Variants in VPS13B observed in about 807,000 individuals in gnomAD.
VPS13B encodes vacuolar protein sorting 13 homolog B.
VPS13B carries 285 observed loss-of-function variants against 426.4 expected under a neutral mutation model. That is an observed-to-expected ratio of 0.67 (90% confidence interval 0.61 to 0.74). VPS13B has a LOEUF of 0.74. Ranked by LOEUF, VPS13B falls within the 30% of genes least tolerant of loss-of-function variation. The pLI, the probability that VPS13B is intolerant of heterozygous loss-of-function variation, is 0.00. For synonymous variants in VPS13B, 1,676 were observed against 1,676.4 expected (o/e 1.00, Z 0.01); for missense variants, 4,537 against 4,782.6 (o/e 0.95, Z 1.51).
rs531549469 is a variant in VPS13B at position 99,214,353 on chromosome 8, G to A, written c.2515+21296G>A. Among the ~76,000 whole-genome samples, 9 of 152,256 alleles carry A rather than the reference G, an allele frequency of 5.9e-5. 1 individual carries two copies. The South Asian group carries it at 1.9e-3, about 32-fold the overall frequency. On this transcript the variant is annotated intron_variant, in intron 17 of 61. Coordinates refer to ENST00000357162, the MANE Select transcript of VPS13B (RefSeq NM_152564.5). ...AGAAAAAATTTATCCACTGCATAAA[G>A]TATAGCTTATAGCCTTGTACTTTTC...
intron 33 of VPS13B, among the ~76,000 whole-genome samples, chr8:99,607,490 A>G (rs750565529): frequency 4.6e-5 from 7 of 152,176 alleles, no homozygotes; most frequent in Non-Finnish European, 1.0e-4. Flanking sequence ...CCTCACTCCC[A>G]TTACCCTATG....
chr8:99,551,598 C>T (rs1181281681), intron 30 of VPS13B, among the ~76,000 whole-genome samples: 1 of 151,720 alleles, frequency 6.6e-6, no homozygotes, highest in Non-Finnish European at 1.5e-5. Flanking sequence ...GTTATGTGTT[C>T]CATATCTGTT....
At chr8:99,536,341 A>G (rs973180297) in intron 30 of VPS13B, among the ~76,000 whole-genome samples, 4 of 152,236 alleles carry the variant, frequency 2.6e-5, no homozygotes, top group Non-Finnish European at 4.4e-5. Context: ...TTTTCCATGT[A>G]AATCTCTGAA....
At chr8:99,016,325 C>T (rs1443921226) in intron 2 of VPS13B, among the ~76,000 whole-genome samples, 1 of 152,176 alleles carries the variant, frequency 6.6e-6, no homozygotes, top group Admixed American at 6.5e-5. Context: ...ATATCAATTC[C>T]AGTCTTACCA....
intron 23 of VPS13B, among the ~76,000 whole-genome samples, chr8:99,445,145 TAC>T (rs1817850962): frequency 6.6e-6 from 1 of 151,406 alleles, no homozygotes; most frequent in South Asian, 2.1e-4. Context: ...TCCTGTTCTA[TAC>T]ATTGTCTTTT....
At chr8:99,434,179 C>T (rs1817258673) in intron 22 of VPS13B, among the ~76,000 whole-genome samples, 1 of 152,058 alleles carries the variant, frequency 6.6e-6, no homozygotes, top group Non-Finnish European at 1.5e-5. Context: ...GATCAAAATT[C>T]AGCAGTTAAA....
At chr8:99,454,759 G>A (rs1028038177) in intron 23 of VPS13B, among the ~76,000 whole-genome samples, 4 of 152,104 alleles carry the variant, frequency 2.6e-5, no homozygotes, top group Non-Finnish European at 5.9e-5. Flanking sequence ...CACCAACAAT[G>A]AGTGGGAATC....
chr8:99,104,670 C>G (rs1470520844), intron 5 of VPS13B, among the ~76,000 whole-genome samples: 3 of 151,744 alleles, frequency 2.0e-5, no homozygotes, highest in Non-Finnish European at 4.4e-5. Flanking sequence ...GTTGCCCAGG[C>G]TGGAGTGCAG....
intron 33 of VPS13B, among the ~76,000 whole-genome samples, chr8:99,607,460 C>T (rs765531224): frequency 1.7e-4 from 26 of 152,142 alleles, no homozygotes; most frequent in Non-Finnish European, 2.9e-4. Flanking sequence ...AGACCTGTTT[C>T]AGATTGTCCC....
intron 23 of VPS13B, among the ~76,000 whole-genome samples, chr8:99,459,370 A>T (rs1382928395): frequency 6.6e-6 from 1 of 152,156 alleles, no homozygotes; most frequent in East Asian, 1.9e-4. Context: ...TTAGCATTTA[A>T]ATTCTGTCAG....
intron 17 of VPS13B, among the ~76,000 whole-genome samples, chr8:99,242,482 T>C (rs949606272): frequency 6.6e-6 from 1 of 152,214 alleles, no homozygotes; most frequent in African/African-American, 2.4e-5. Context: ...ATTTTATATG[T>C]ATAGGTTTAT....
chr8:99,511,539 G>A lies in VPS13B; in HGVS notation c.4633+27G>A, dbSNP rs746307630. Reference sequence around the variant, plus strand: ...TATTGTCTTCTGATTTTTTTTGTCTGATTTTAAATAATTTTCTTCTAGAGA... The same window carrying A: ...TATTGTCTTCTGATTTTTTTTGTCTAATTTTAAATAATTTTCTTCTAGAGA... On this transcript the variant is annotated intron_variant, in intron 29 of 61. Coordinates refer to ENST00000357162, the MANE Select transcript of VPS13B (RefSeq NM_152564.5). The A allele has an allele frequency of 1.9e-6, 3 of 1,600,928 alleles. No homozygotes were observed. In the African/African-American group the frequency reaches 4.0e-5, roughly 22 times the overall value.
chr8:99,870,565 T>G (rs1407576463), intron 59 of VPS13B, among the ~76,000 whole-genome samples: 2 of 152,176 alleles, frequency 1.3e-5, no homozygotes, highest in African/African-American at 2.4e-5. Context: ...ATGCTTGGAC[T>G]GTGTAACACA....
chr8:99,740,835 G>A (rs572844388), intron 39 of VPS13B, among the ~76,000 whole-genome samples: 1 of 152,056 alleles, frequency 6.6e-6, no homozygotes, highest in South Asian at 2.1e-4. Context: ...ACTAAACATG[G>A]AAAGGAACAA....
intron 30 of VPS13B, among the ~76,000 whole-genome samples, chr8:99,541,696 G>A (rs961961664): frequency 6.6e-6 from 1 of 152,074 alleles, no homozygotes; most frequent in African/African-American, 2.4e-5. Flanking sequence ...ATAAGATGGG[G>A]AAAAAGATTT....
chr8:99,279,328 T>C (rs1029688653), intron 19 of VPS13B, among the ~76,000 whole-genome samples: 1 of 152,222 alleles, frequency 6.6e-6, no homozygotes, highest in Admixed American at 6.5e-5. Flanking sequence ...TTGCCCAGGC[T>C]GGAGTGCAGT....
intron 3 of VPS13B, among the ~76,000 whole-genome samples, chr8:99,083,272 G>A (rs1408366409): frequency 5.9e-5 from 9 of 152,114 alleles, no homozygotes; most frequent in African/African-American, 1.2e-4. Context: ...TGTTATTGGT[G>A]TATAGGAATG....
chr8:99,854,361 G>C, intron 56 of VPS13B, 105 bp downstream of exon 56: 1 of 1,259,068 alleles, frequency 7.9e-7, no homozygotes, highest in Non-Finnish European at 1.1e-6. Flanking sequence ...ATTGGCAAGA[G>C]GTGACACACC....
At chr8:99,579,011 G>GT (rs1278925186) in intron 33 of VPS13B, among the ~76,000 whole-genome samples, 1 of 152,126 alleles carries the variant, frequency 6.6e-6, no homozygotes, top group Non-Finnish European at 1.5e-5. Context: ...CTTTAAAAAG[G>GT]TATCTGTGGC....
Sources: gnomAD v4.1 joint callset for allele counts (sites outside exome capture counted in the v4.1 genomes callset) on GRCh38, gnomAD v4.1.1 for gene constraint, MANE v1.5 for transcripts, NCBI Gene and HGNC (gene_info 2026-07-23, HGNC 2026-07-21) for gene names.